Variants in CHAMP1 observed in about 807,000 individuals in gnomAD.
The protein encoded by CHAMP1 is chromosome alignment-maintaining phosphoprotein 1.
Under a neutral mutation model 54.5 loss-of-function variants are expected in CHAMP1, and 4 were observed. The ratio of observed to expected loss-of-function variants is 0.07; its 90% CI spans 0.04 to 0.17. The LOEUF is 0.17. Among genes scored for constraint, CHAMP1 ranks in the 10% least tolerant of loss-of-function variants. The pLI, the probability that CHAMP1 is intolerant of heterozygous loss-of-function variation, is 1.00. For synonymous variants in CHAMP1, 368 were observed against 342.2 expected (o/e 1.08, Z -0.83); for missense variants, 994 against 968.6 (o/e 1.03, Z -0.35).
At chr13:114,315,711 A>G (rs771740734) in intron 1 of CHAMP1, among the ~76,000 whole-genome samples, 1 of 152,156 alleles carries the variant, frequency 6.6e-6, no homozygotes, top group Non-Finnish European at 1.5e-5. Flanking sequence ...TTACTGTTTC[A>G]TGGGTACAGA....
chr13:114,324,971 C>T lies in CHAMP1; in HGVS notation c.1129C>T (p.Pro377Ser), dbSNP rs1555379667. The change falls in exon 3 of 3, where the codon CCC (proline) becomes TCC (serine). Residue 377 changes from proline (P) to serine (S), a missense_variant. Pro to Ser is a moderately conservative substitution (Grantham distance 74). Around this residue, in one of 3 missense-constraint regions of CHAMP1, gnomAD observed 851 missense variants for 701.3 expected, o/e 1.21. Coordinates refer to ENST00000361283, the MANE Select transcript of CHAMP1 (RefSeq NM_032436.4). ...ATCCTGGAAATCTTCATCAGTCTCA[C>T]CCAGCTCCTGGAAGTCTCCCCCTGC... The part of the protein sequence containing the change: ...SASWKSSSVS[P>S]SSWKSPPASP... 3.1e-6 allele frequency: 5 copies of T among 1,614,160 alleles called. No individual in the cohort carries two copies. The highest frequency in any genetic ancestry group is 8.5e-7 in the Non-Finnish European group (1 of 1,180,034).
At chr13:114,316,449 C>T (rs1437784053) in intron 1 of CHAMP1, among the ~76,000 whole-genome samples, 1 of 151,346 alleles carries the variant, frequency 6.6e-6, no homozygotes, top group Non-Finnish European at 1.5e-5. Flanking sequence ...AGGCGTGAGC[C>T]TGTGGTGGCG....
intron 2 of CHAMP1, among the ~76,000 whole-genome samples, chr13:114,321,662 A>G (rs2087174251): frequency 6.6e-6 from 1 of 152,180 alleles, no homozygotes; most frequent in Non-Finnish European, 1.5e-5. Flanking sequence ...GTTTTCCCCT[A>G]AAGTCTTCTA....
chr13:114,315,110 C>T (rs919247818), intron 1 of CHAMP1, among the ~76,000 whole-genome samples: 1 of 152,114 alleles, frequency 6.6e-6, no homozygotes, highest in East Asian at 1.9e-4. Flanking sequence ...CAAGAATGGG[C>T]AAGGAATTTG....
rs782617751 is a variant in CHAMP1 at position 114,325,449 on chromosome 13, A to C, written c.1607A>C (p.Lys536Thr). 1 of 1,614,058 alleles carries C rather than the reference A, an allele frequency of 6.2e-7. No individual in the cohort carries two copies. Among genetic ancestry groups the C allele is most frequent in the African/African-American group, 1.3e-5 (1 of 74,978 alleles). ...CCTGCCCTGTTTCCCGAGCCTGCCA[A>C]AACAGCCCCTCCTGCTTCTCCAGAA... The part of the protein sequence containing the change: ...RKPALFPEPA[K>T]TAPPASPEAR... The change falls in exon 3 of 3, where the codon AAA becomes ACA. Residue 536 changes from lysine (K) to threonine (T), a missense_variant. Transcript: ENST00000361283.
At position 114,324,843 on chromosome 13, in the gene CHAMP1, G is replaced by C. The variant is rs532210106; in HGVS notation, c.1001G>C (p.Trp334Ser). ...AATCCTTCAGCATCATCAGGACCTT[G>C]GAAGCCAGCTAAACCTGCTCCATCT... ...KSNPSASSGP[W>S]KPAKPAPSVS... The change falls in exon 3 of 3, where the codon TGG (tryptophan) becomes TCG (serine). Residue 334 changes from tryptophan (W) to serine (S), a missense_variant. Coordinates refer to ENST00000361283, the MANE Select transcript of CHAMP1 (RefSeq NM_032436.4). 6.2e-7 allele frequency: 1 copy of C among 1,614,140 alleles called. No homozygotes were observed. Among genetic ancestry groups the C allele is most frequent in the Admixed American group, 1.7e-5 (1 of 60,030 alleles).
chr13:114,321,585 T>G (rs1404705183), intron 2 of CHAMP1, among the ~76,000 whole-genome samples: 1 of 150,074 alleles, frequency 6.7e-6, no homozygotes, highest in Non-Finnish European at 1.5e-5. Context: ...AATATTAGCT[T>G]GGCTGTTCAT....
chr13:114,318,614 A>G lies in CHAMP1; in HGVS notation c.-178-2496A>G, dbSNP rs115802252. ...GCTGGGATTACAGGCCTGAGCCACCACACCCGGCCTGATCATCAGATTCTA... is the reference window on the plus strand; with the variant it reads ...GCTGGGATTACAGGCCTGAGCCACCGCACCCGGCCTGATCATCAGATTCTA... On this transcript the variant is annotated intron_variant, in intron 1 of 2. Transcript: ENST00000361283. 8.7e-3 allele frequency among the ~76,000 whole-genome samples: 1,327 copies of G among 152,078 alleles called. 22 individuals are homozygous for G. Among genetic ancestry groups the G allele is most frequent in the African/African-American group, 0.031 (1,273 of 41,464 alleles).
intron 1 of CHAMP1, among the ~76,000 whole-genome samples, chr13:114,315,726 CTGTT>C (rs1332628985): frequency 6.6e-6 from 1 of 151,702 alleles, no homozygotes; most frequent in African/African-American, 2.4e-5. Context: ...TACAGAATTT[CTGTT>C]TGTGGTGAAG....
Position 114,318,312 on chromosome 13 carries a change from A to ATT in CHAMP1, c.-178-2784_-178-2783dup, listed in dbSNP as rs34593070. 3.4e-3 allele frequency among the ~76,000 whole-genome samples: 463 copies of ATT among 134,878 alleles called. 1 individual carries two copies. Among genetic ancestry groups the ATT allele is most frequent in the East Asian group, 0.017 (79 of 4,646 alleles). 88.5% of individuals were successfully genotyped at this position (134,878 alleles called of 152,430 possible). On this transcript the variant is annotated intron_variant, in intron 1 of 2. Coordinates refer to ENST00000361283, the MANE Select transcript of CHAMP1 (RefSeq NM_032436.4). ...TCCTTCTAGTCCTATGCTGATCATC[A>ATT]TTTTTTTTTTTTTTTGGTTTTCTTT...
At chr13:114,321,084 T>C (rs1260055849) in intron 1 of CHAMP1, 26 bp from the exon 2 acceptor site, 2 of 124,328 alleles carry the variant, frequency 1.6e-5, no homozygotes, top group African/African-American at 7.2e-5. Context: ...TTGATTACTT[T>C]TCTTTTTTTT....
chr13:114,327,049 C>G lies in CHAMP1; in HGVS notation c.*768C>G, dbSNP rs1161554081. 1.4e-5 allele frequency: 2 copies of G among 146,980 alleles called. No homozygotes were observed. Among genetic ancestry groups the G allele is most frequent in the African/African-American group, 5.6e-5 (2 of 35,820 alleles). 9.1% of individuals were successfully genotyped at this position (146,980 alleles called of 1,614,324 possible). A position where few individuals can be genotyped will look rare whatever the true frequency, so the allele number is the denominator to read the frequency against. On this transcript the variant is annotated 3_prime_UTR_variant, in exon 3 of 3. Transcript: ENST00000361283. ...TGCCAGCTCACACTAATAGATGATTCTTAATTGCCAAATGTGTTAGAGTTT... is the reference window on the plus strand; with the variant it reads ...TGCCAGCTCACACTAATAGATGATTGTTAATTGCCAAATGTGTTAGAGTTT...
In CHAMP1 at chr13:114,325,255, T is replaced by C. The variant is rs1555379762; in HGVS notation, c.1413T>C (p.Ser471=). The part of the protein sequence containing the change: ...ASLDFPESQK[S]SRGGSPDLWK... ...TTGATTTCCCTGAGTCCCAGAAAAG[T>C]TCCCGTGGTGGTTCTCCTGATCTCT... The change falls in exon 3 of 3, where the codon AGT becomes AGC. Residue 471 remains serine, a synonymous_variant. Transcript: ENST00000361283. 1.2e-6 allele frequency: 2 copies of C among 1,614,156 alleles called. No individual in the cohort carries two copies. Among genetic ancestry groups the C allele is most frequent in the South Asian group, 2.2e-5 (2 of 91,082 alleles).
At chr13:114,320,881 T>G (rs34445118) in intron 1 of CHAMP1, among the ~76,000 whole-genome samples, 8 of 150,932 alleles carry the variant, frequency 5.3e-5, no homozygotes, top group African/African-American at 1.7e-4. Context: ...GCATGAACCC[T>G]GGAGGCGGAG....
intron 1 of CHAMP1, among the ~76,000 whole-genome samples, chr13:114,316,539 G>T (rs534076779): frequency 2.6e-4 from 40 of 151,446 alleles, no homozygotes; most frequent in African/African-American, 9.2e-4. Context: ...GCAGTGAGCC[G>T]AGATTGCGCC....
At chr13:114,320,674 G>A (rs536233935) in intron 1 of CHAMP1, among the ~76,000 whole-genome samples, 3 of 151,822 alleles carry the variant, frequency 2.0e-5, no homozygotes, top group East Asian at 1.9e-4. Flanking sequence ...GTAAGTGTTC[G>A]GGCTGGGCGC....
Position 114,324,474 on chromosome 13 carries a change from C to T in CHAMP1, c.632C>T (p.Ala211Val), listed in dbSNP as rs568507339. 12 of 1,614,214 alleles carry T rather than the reference C, an allele frequency of 7.4e-6. No homozygotes were observed. The highest frequency in any genetic ancestry group is 5.0e-5 in the Admixed American group (3 of 60,034). ...CCTTCTCCAGAACCACAGAAACCTG[C>T]CCCTGTATCTCCTGAGTCAGTAAAG... ...PVPSPEPQKPAPVSPESVKAT... is the reference protein window; with the variant it reads ...PVPSPEPQKPVPVSPESVKAT... The change falls in exon 3 of 3, where the codon GCC becomes GTC. Residue 211 changes from alanine to valine, a missense_variant. Around this residue, in one of 3 missense-constraint regions of CHAMP1, gnomAD observed 851 missense variants for 701.3 expected, o/e 1.21. Transcript: ENST00000361283.
intron 1 of CHAMP1, among the ~76,000 whole-genome samples, chr13:114,316,271 C>T (rs1256027276): frequency 6.6e-6 from 1 of 151,060 alleles, no homozygotes; most frequent in Non-Finnish European, 1.5e-5. Context: ...TTAAGCGATT[C>T]TCCTGCCTCA....
At chr13:114,315,830 G>GTTT (rs1203081237) in intron 1 of CHAMP1, among the ~76,000 whole-genome samples, 12 of 144,964 alleles carry the variant, frequency 8.3e-5, no homozygotes, top group African/African-American at 2.8e-4. Flanking sequence ...TAAATGGCAA[G>GTTT]TTTTGTTTTT....
Sources: allele counts gnomAD v4.1 joint callset (sites outside exome capture counted in the v4.1 genomes callset), GRCh38; gene constraint gnomAD v4.1.1; regional missense constraint gnomAD v4.1.1; transcripts MANE v1.5; gene names NCBI Gene and HGNC (gene_info 2026-07-23, HGNC 2026-07-21).